TLL1: variants seen among roughly 807,000 people sequenced by gnomAD.
TLL1 encodes tolloid-like protein 1.
Under a neutral mutation model 128.2 loss-of-function variants are expected in TLL1, and 49 were observed. The observed-to-expected ratio is 0.38, with a 90% confidence interval of 0.30 to 0.48. The LOEUF is 0.48. Among genes scored for constraint, TLL1 ranks in the 20% least tolerant of loss-of-function variants. The pLI is 0.96. For missense variants in TLL1, 1,123 were observed against 1,242.0 expected (o/e 0.90, Z 1.44); for synonymous variants, 454 against 418.8 (o/e 1.08, Z -1.03).
intron 6 of TLL1, among the ~76,000 whole-genome samples, chr4:166,004,954 G>GT (rs139423076): frequency 0.028 from 4,241 of 151,982 alleles, 197 homozygotes; most frequent in African/African-American, 0.096. Flanking sequence ...GGTGGCGGGG[G>GT]GGTGCCTGAA....
Position 165,995,187 on chromosome 4 carries a change from A to G in TLL1, c.632+9A>G, listed in dbSNP as rs745328524. 1.8e-5 allele frequency: 29 copies of G among 1,582,680 alleles called. No homozygotes were observed. The highest frequency in any genetic ancestry group is 1.9e-5 in the Non-Finnish European group (22 of 1,151,454). On this transcript the variant is annotated intron_variant, in intron 5 of 20. Coordinates refer to ENST00000061240, the MANE Select transcript of TLL1 (RefSeq NM_012464.5). ...ACCTATAGGCCTTGTGGGTAAGTAG[A>G]ACTAGGTAGGGACTGACTTAAGGAA... is the stretch of plus-strand genomic sequence containing the variant.
At chr4:166,004,583 T>A (rs897433423) in intron 6 of TLL1, among the ~76,000 whole-genome samples, 25 of 152,070 alleles carry the variant, frequency 1.6e-4, no homozygotes, top group Non-Finnish European at 3.2e-4. Flanking sequence ...AAAAGTCCCT[T>A]AGTGAGTCAA....
intron 1 of TLL1, among the ~76,000 whole-genome samples, chr4:165,942,263 C>T (rs1417555253): frequency 6.6e-6 from 1 of 150,728 alleles, no homozygotes; most frequent in African/African-American, 2.5e-5. Context: ...CAAGGTGCTT[C>T]CCACCACCCT....
At chr4:165,974,605 C>A (rs771256260) in intron 1 of TLL1, among the ~76,000 whole-genome samples, 3 of 152,124 alleles carry the variant, frequency 2.0e-5, no homozygotes, top group Non-Finnish European at 4.4e-5. Flanking sequence ...ATTAGCTACC[C>A]AATTTACTAT....
intron 1 of TLL1, among the ~76,000 whole-genome samples, chr4:165,973,911 C>T (rs1735747250): frequency 6.6e-6 from 1 of 152,092 alleles, no homozygotes. Context: ...GGTGATCCAC[C>T]TGCCTCGGCC....
At chr4:166,027,773 C>T (rs1310172541) in intron 9 of TLL1, among the ~76,000 whole-genome samples, 1 of 152,048 alleles carries the variant, frequency 6.6e-6, no homozygotes, top group Non-Finnish European at 1.5e-5. Context: ...AGTTTGGGAA[C>T]AAGGTTAATC....
intron 1 of TLL1, among the ~76,000 whole-genome samples, chr4:165,987,450 C>A (rs1401777719): frequency 6.6e-6 from 1 of 152,004 alleles, no homozygotes; most frequent in African/African-American, 2.4e-5. Context: ...AATCTCGATT[C>A]AATTTCAGGC....
chr4:165,991,727 A>G (rs1053398687), intron 2 of TLL1, among the ~76,000 whole-genome samples: 2 of 151,952 alleles, frequency 1.3e-5, no homozygotes, highest in African/African-American at 4.8e-5. Flanking sequence ...AAAAATAGAT[A>G]TTGGAAGGAA....
At chr4:166,051,073 C>A (rs1387562351) in intron 12 of TLL1, among the ~76,000 whole-genome samples, 1 of 152,124 alleles carries the variant, frequency 6.6e-6, no homozygotes, top group East Asian at 1.9e-4. Flanking sequence ...CATATTAATA[C>A]ATGGTTTATG....
intron 13 of TLL1, among the ~76,000 whole-genome samples, chr4:166,056,330 T>TTATA (rs1740005984): frequency 6.6e-6 from 1 of 151,910 alleles, no homozygotes; most frequent in Non-Finnish European, 1.5e-5. Context: ...TCACATGAGG[T>TTATA]TATTCCTGAA....
chr4:166,000,741 A>G (rs929076410), intron 5 of TLL1, among the ~76,000 whole-genome samples: 19 of 152,210 alleles, frequency 1.2e-4, no homozygotes, highest in African/African-American at 4.1e-4. Context: ...TCTTCATCTA[A>G]TATATTTTTA....
At chr4:165,989,525 T>C in intron 2 of TLL1, 34 bp downstream of exon 2, 2 of 1,517,532 alleles carry the variant, frequency 1.3e-6, no homozygotes, top group Non-Finnish European at 1.8e-6. Context: ...TTTGTCTTTA[T>C]TTTGGAGAAA....
intron 1 of TLL1, among the ~76,000 whole-genome samples, chr4:165,963,054 CAAAAAAAAAA>C (rs869191830): frequency 1.6e-4 from 3 of 18,336 alleles, no homozygotes; most frequent in South Asian, 2.7e-3. Context: ...GGCTCTGTCT[CAAAAAAAAAA>C]AAAAAAAAAA....
chr4:166,057,681 G>A (rs1249508723), intron 14 of TLL1, among the ~76,000 whole-genome samples: 1 of 152,180 alleles, frequency 6.6e-6, no homozygotes, highest in East Asian at 1.9e-4. Flanking sequence ...GGCTGGTGAG[G>A]CCTCACGATA....
chr4:166,095,133 G>A (rs1008881290), intron 19 of TLL1, among the ~76,000 whole-genome samples: 4 of 151,908 alleles, frequency 2.6e-5, no homozygotes, highest in Admixed American at 6.6e-5. Flanking sequence ...AATTTGCTTA[G>A]GTAAATTTAT....
chr4:165,952,165 A>G (rs1734556117), intron 1 of TLL1, among the ~76,000 whole-genome samples: 1 of 152,148 alleles, frequency 6.6e-6, no homozygotes, highest in Admixed American at 6.6e-5. Flanking sequence ...AAACTCCACA[A>G]TGTTGGCCAA....
At chr4:166,029,291 CATTCAAAAAAGGATCTTATCCCA>C (rs1347057973) in intron 9 of TLL1, among the ~76,000 whole-genome samples, 15 of 151,786 alleles carry the variant, frequency 9.9e-5, no homozygotes, top group Non-Finnish European at 1.3e-4. Flanking sequence ...AGCCTCTTCC[CATTCAAAAAAGGATCTTATCCCA>C]ATTCAAAAAA....
intron 9 of TLL1, among the ~76,000 whole-genome samples, chr4:166,028,370 C>T (rs1425465464): frequency 6.6e-6 from 1 of 151,934 alleles, no homozygotes; most frequent in Non-Finnish European, 1.5e-5. Context: ...TTTATCTCTC[C>T]TTGAGTCACC....
At position 166,103,438 on chromosome 4, in the gene TLL1, C is replaced by G. The variant is rs1442060482; in HGVS notation, c.*2562C>G. On this transcript the variant is annotated 3_prime_UTR_variant, in exon 21 of 21. Transcript: ENST00000061240. ...AAATAAATATATTAAATTATTTTGC[C>G]TGATGTGGTAGGGGAAATGTATTGC... 6.6e-6 allele frequency: 1 copy of G among 151,484 alleles called. No homozygotes were observed. The highest frequency in any genetic ancestry group is 1.5e-5 in the Non-Finnish European group (1 of 67,794). The allele number at this position is 151,484 out of a possible 1,614,324, so 9.4% of individuals were successfully genotyped here.
Sources: allele counts gnomAD v4.1 joint callset (sites outside exome capture counted in the v4.1 genomes callset), GRCh38; gene constraint gnomAD v4.1.1; transcripts MANE v1.5; gene names NCBI Gene and HGNC (gene_info 2026-07-23, HGNC 2026-07-21).